GREM2: variants seen among roughly 807,000 people sequenced by gnomAD.
GREM2 encodes gremlin-2.
GREM2 carries 11 observed loss-of-function variants against 14.2 expected under a neutral mutation model. The observed-to-expected ratio is 0.78, with a 90% CI of 0.49 to 1.28. The LOEUF is 1.28. Ranked by LOEUF, GREM2 falls within the 50% of genes most tolerant of loss-of-function variation. GREM2 has a pLI of 0.00. For synonymous variants in GREM2, 98 were observed against 97.6 expected (o/e 1.00, Z -0.02); for missense variants, 210 against 218.5 (o/e 0.96, Z 0.24).
chr1:240,529,960 A>C (rs1678315424), intron 1 of GREM2, among the ~76,000 whole-genome samples: 1 of 152,174 alleles, frequency 6.6e-6, no homozygotes, highest in Non-Finnish European at 1.5e-5. Context: ...TTATCCTGAA[A>C]TTCTGGTTAA....
intron 1 of GREM2, among the ~76,000 whole-genome samples, chr1:240,608,082 T>C (rs1680067017): frequency 6.6e-6 from 1 of 152,230 alleles, no homozygotes; most frequent in African/African-American, 2.4e-5. Flanking sequence ...TAGGACTGAC[T>C]GACTGAAGGA....
chr1:240,517,344 C>A (rs1474627959), intron 1 of GREM2, among the ~76,000 whole-genome samples: 3 of 152,148 alleles, frequency 2.0e-5, no homozygotes, highest in African/African-American at 4.8e-5. Context: ...ATTGTAGCAA[C>A]CCTTTGTTGG....
In GREM2 at chr1:240,547,532, T is replaced by TAGACAG. The variant is rs1553275859; in HGVS notation, c.-1-54057_-1-54056insCTGTCT. On this transcript the variant is annotated intron_variant, in intron 1 of 1. Coordinates refer to ENST00000318160, the MANE Select transcript of GREM2 (RefSeq NM_022469.4). Reference sequence around the variant, plus strand: ...AAAAAAAAATATATATATATATATATATAGATAGATAGATAGATAGATAGA... The same window carrying TAGACAG: ...AAAAAAAAATATATATATATATATATAGACAGATAGATAGATAGATAGATAGATAGA... Among the ~76,000 whole-genome samples, 59 of 121,876 alleles carry TAGACAG rather than the reference T, an allele frequency of 4.8e-4. 1 individual carries two copies. In the East Asian group the frequency reaches 7.5e-3, roughly 15 times the overall value. 80.0% of individuals were successfully genotyped at this position (121,876 alleles called of 152,430 possible).
At chr1:240,561,329 C>A (rs1156749931) in intron 1 of GREM2, among the ~76,000 whole-genome samples, 1 of 152,042 alleles carries the variant, frequency 6.6e-6, no homozygotes, top group Non-Finnish European at 1.5e-5. Context: ...AGAAAGATCA[C>A]CCACAAGGGA....
intron 1 of GREM2, among the ~76,000 whole-genome samples, chr1:240,510,087 A>G (rs1037316554): frequency 6.6e-5 from 10 of 152,074 alleles, no homozygotes; most frequent in Non-Finnish European, 1.0e-4. Context: ...AGCAAATGGT[A>G]GGCCGGGTGC....
chr1:240,564,550 A>C (rs1403954071), intron 1 of GREM2, among the ~76,000 whole-genome samples: 2 of 151,918 alleles, frequency 1.3e-5, no homozygotes, highest in African/African-American at 2.4e-5. Context: ...TAATAAAGTT[A>C]CTTGTTTGAA....
At chr1:240,577,423 C>A (rs979916988) in intron 1 of GREM2, among the ~76,000 whole-genome samples, 7 of 152,180 alleles carry the variant, frequency 4.6e-5, no homozygotes, top group African/African-American at 1.7e-4. Context: ...ACGACACACA[C>A]AAATATGTTG....
Position 240,522,120 on chromosome 1 carries a change from C to CAAA in GREM2, c.-1-28647_-1-28645dup, listed in dbSNP as rs34438696. On this transcript the variant is annotated intron_variant, in intron 1 of 1. Coordinates refer to ENST00000318160, the MANE Select transcript of GREM2 (RefSeq NM_022469.4). Reference sequence around the variant, plus strand: ...GGATGACAGAGCAAAACCCTGTCTCCAAAAAAAAAAAAAAACAAAAACAAA... The same window carrying CAAA: ...GGATGACAGAGCAAAACCCTGTCTCCAAAAAAAAAAAAAAAAAACAAAAACAAA... Among the ~76,000 whole-genome samples, 151 of 70,890 alleles carry CAAA rather than the reference C, an allele frequency of 2.1e-3. 2 individuals are homozygous for CAAA. Among genetic ancestry groups the CAAA allele is most frequent in the Middle Eastern group, 7.5e-3 (1 of 134 alleles). The allele number at this position is 70,890 out of a possible 152,430, so 46.5% of individuals were successfully genotyped here.
At chr1:240,599,048 G>T (rs954242913) in intron 1 of GREM2, among the ~76,000 whole-genome samples, 8 of 151,978 alleles carry the variant, frequency 5.3e-5, no homozygotes, top group African/African-American at 1.9e-4. Context: ...GCAGGCAGAT[G>T]ACTCGAGGTC....
chr1:240,546,735 A>T, intron 1 of GREM2, among the ~76,000 whole-genome samples: 1 of 152,210 alleles, frequency 6.6e-6, no homozygotes, highest in East Asian at 1.9e-4. Flanking sequence ...TCTTTTGGGA[A>T]TGAGAGAGAA....
chr1:240,514,322 G>T (rs138827237), intron 1 of GREM2, among the ~76,000 whole-genome samples: 43 of 151,604 alleles, frequency 2.8e-4, no homozygotes, highest in Non-Finnish European at 5.0e-4. Flanking sequence ...GGTGAGACTG[G>T]AGCAAAGTTT....
chr1:240,537,232 G>A (rs1309334826), intron 1 of GREM2, among the ~76,000 whole-genome samples: 1 of 152,070 alleles, frequency 6.6e-6, no homozygotes, highest in African/African-American at 2.4e-5. Flanking sequence ...CAAAATATAG[G>A]GGAAATGTAA....
chr1:240,528,692 C>T (rs1678280597), intron 1 of GREM2, among the ~76,000 whole-genome samples: 1 of 152,132 alleles, frequency 6.6e-6, no homozygotes, highest in Non-Finnish European at 1.5e-5. Flanking sequence ...CTCACCGGCC[C>T]CTCCAGTGCA....
chr1:240,511,919 A>G (rs1169737236), intron 1 of GREM2, among the ~76,000 whole-genome samples: 1 of 152,124 alleles, frequency 6.6e-6, no homozygotes, highest in Non-Finnish European at 1.5e-5. Context: ...ACCCCCTCAT[A>G]CCCCAATAAG....
intron 1 of GREM2, among the ~76,000 whole-genome samples, chr1:240,605,118 A>G (rs554594266): frequency 6.6e-5 from 10 of 152,318 alleles, no homozygotes; most frequent in African/African-American, 2.4e-4. Context: ...GCCAATGGAA[A>G]CCAGACACAG....
intron 1 of GREM2, among the ~76,000 whole-genome samples, chr1:240,498,576 A>G (rs1677486990): frequency 1.3e-5 from 2 of 152,122 alleles, no homozygotes; most frequent in African/African-American, 4.8e-5. Context: ...AGGGGAGAGA[A>G]CGTCCGTTCT....
intron 1 of GREM2, among the ~76,000 whole-genome samples, chr1:240,527,635 T>C (rs2103310581): frequency 6.6e-6 from 1 of 152,298 alleles, no homozygotes; most frequent in Non-Finnish European, 1.5e-5. Context: ...GAAGAAAGAA[T>C]TTAGCTGAAA....
chr1:240,543,827 A>C lies in GREM2; in HGVS notation c.-1-50351T>G, dbSNP rs1177405407. Among the ~76,000 whole-genome samples, 1 of 152,206 alleles carries C rather than the reference A, an allele frequency of 6.6e-6. No homozygotes were observed. Among genetic ancestry groups the C allele is most frequent in the Non-Finnish European group, 1.5e-5 (1 of 68,042 alleles). On this transcript the variant is annotated intron_variant, in intron 1 of 1. Transcript: ENST00000318160. The surrounding 1 kb of genome is among the most constrained non-coding windows in gnomAD (Gnocchi z 6.4). Reference sequence around the variant, plus strand: ...GCTATTTTTGACACTTGATATCTTAAGAGAAATGCCCTATATAATGTGAGA... The same window carrying C: ...GCTATTTTTGACACTTGATATCTTACGAGAAATGCCCTATATAATGTGAGA...
intron 1 of GREM2, among the ~76,000 whole-genome samples, chr1:240,504,335 G>A (rs1677635167): frequency 1.3e-5 from 2 of 152,044 alleles, no homozygotes; most frequent in African/African-American, 4.8e-5. Flanking sequence ...GCAATTCTGG[G>A]TAACTGGTCT....
Sources: allele counts gnomAD v4.1 joint callset (sites outside exome capture counted in the v4.1 genomes callset), GRCh38; gene constraint gnomAD v4.1.1; non-coding constraint Gnocchi (gnomAD v3.1); transcripts MANE v1.5; gene names NCBI Gene and HGNC (gene_info 2026-07-23, HGNC 2026-07-21).